Variants in CDH12 observed in about 807,000 individuals in gnomAD.
CDH12 encodes cadherin-12.
Under a neutral mutation model 74.1 loss-of-function variants are expected in CDH12, and 41 were observed. The observed-to-expected ratio is 0.55, with a 90% CI of 0.43 to 0.72. CDH12 has a LOEUF of 0.72. Ranked by LOEUF, CDH12 falls within the 30% of genes least tolerant of loss-of-function variation. The probability of loss-of-function intolerance (pLI) is 0.00; values close to 1 mark genes in which losing one functional copy is unlikely to be tolerated. For missense variants in CDH12, 945 were observed against 977.2 expected (o/e 0.97, Z 0.44); for synonymous variants, 399 against 355.0 (o/e 1.12, Z -1.39).
intron 3 of CDH12, among the ~76,000 whole-genome samples, chr5:22,298,351 T>C (rs932505305): frequency 6.6e-6 from 1 of 151,998 alleles, no homozygotes; most frequent in Admixed American, 6.6e-5. Context: ...CACACACACA[T>C]ATTCTTTCTT....
intron 1 of CDH12, among the ~76,000 whole-genome samples, chr5:22,650,388 A>T (rs896573836): frequency 6.6e-6 from 1 of 152,072 alleles, no homozygotes. Flanking sequence ...ATTGCATTGT[A>T]TAAACAAACA....
At chr5:22,731,724 A>T (rs887761027) in intron 1 of CDH12, among the ~76,000 whole-genome samples, 1 of 151,946 alleles carries the variant, frequency 6.6e-6, no homozygotes. Context: ...GTGAATTTAC[A>T]TGTCCTTCTA....
At chr5:22,485,405 G>A (rs548870389) in intron 2 of CDH12, among the ~76,000 whole-genome samples, 1 of 152,262 alleles carries the variant, frequency 6.6e-6, no homozygotes, top group Non-Finnish European at 1.5e-5. Flanking sequence ...TGCCCAAGCT[G>A]GTCTTAAACT....
At chr5:22,830,234 C>A (rs1436696120) in intron 1 of CDH12, among the ~76,000 whole-genome samples, 2 of 151,828 alleles carry the variant, frequency 1.3e-5, no homozygotes, top group Non-Finnish European at 2.9e-5. Context: ...TGGGATTAGA[C>A]AATTAAATTG....
chr5:21,937,197 G>T (rs891130211), intron 6 of CDH12, among the ~76,000 whole-genome samples: 18 of 152,110 alleles, frequency 1.2e-4, no homozygotes, highest in Admixed American at 8.5e-4. Context: ...AGGACAATAT[G>T]GGAGAATAAT....
chr5:21,842,102 G>T (rs541625370), intron 8 of CDH12, 59 bp downstream of exon 8: 3 of 1,306,596 alleles, frequency 2.3e-6, no homozygotes, highest in East Asian at 2.5e-5. Flanking sequence ...AGCATTCAAT[G>T]ACACCATTAA....
At chr5:22,757,454 T>C (rs1022849952) in intron 1 of CDH12, among the ~76,000 whole-genome samples, 1 of 152,204 alleles carries the variant, frequency 6.6e-6, no homozygotes, top group Admixed American at 6.5e-5. Context: ...TGATATAAAC[T>C]AGTAATGGTT....
chr5:22,681,806 A>G (rs780250544), intron 1 of CDH12, among the ~76,000 whole-genome samples: 5 of 152,084 alleles, frequency 3.3e-5, no homozygotes, highest in African/African-American at 7.2e-5. Flanking sequence ...ATTAGATAGA[A>G]TTAGGAGATT....
At chr5:21,946,392 T>C (rs984764499) in intron 6 of CDH12, among the ~76,000 whole-genome samples, 1 of 152,212 alleles carries the variant, frequency 6.6e-6, no homozygotes, top group African/African-American at 2.4e-5. Context: ...AAGCCATTTC[T>C]AATAGTTGAA....
intron 1 of CDH12, among the ~76,000 whole-genome samples, chr5:22,736,928 T>C (rs1744759917): frequency 6.6e-6 from 1 of 152,096 alleles, no homozygotes; most frequent in Middle Eastern, 3.4e-3. Context: ...CCAGAAGCAA[T>C]ACTTTATTTG....
At chr5:22,605,448 G>T (rs1737063427) in intron 1 of CDH12, among the ~76,000 whole-genome samples, 1 of 152,186 alleles carries the variant, frequency 6.6e-6, no homozygotes, top group African/African-American at 2.4e-5. Context: ...TCAGACGATA[G>T]CACAACCTCA....
intron 3 of CDH12, among the ~76,000 whole-genome samples, chr5:22,340,045 C>T (rs1739775788): frequency 6.6e-6 from 1 of 152,144 alleles, no homozygotes; most frequent in South Asian, 2.1e-4. Context: ...GACGGAAAGT[C>T]ATTAAATTCA....
intron 3 of CDH12, among the ~76,000 whole-genome samples, chr5:22,359,966 CA>C (rs1371559695): frequency 6.6e-6 from 1 of 151,864 alleles, no homozygotes; most frequent in Non-Finnish European, 1.5e-5. Context: ...TAAATGCCCA[CA>C]AAAGAAAGCA....
At chr5:21,881,492 A>T (rs1213482395) in intron 6 of CDH12, among the ~76,000 whole-genome samples, 1 of 152,210 alleles carries the variant, frequency 6.6e-6, no homozygotes, top group Non-Finnish European at 1.5e-5. Context: ...GCTCACAGCC[A>T]CTACCCTAGT....
intron 2 of CDH12, among the ~76,000 whole-genome samples, chr5:22,504,628 G>C (rs1736306176): frequency 6.6e-6 from 1 of 152,066 alleles, no homozygotes; most frequent in African/African-American, 2.4e-5. Flanking sequence ...GAGTGTCAAA[G>C]CAGCACTTTA....
rs1193375748 is a variant in CDH12, at chr5:21,888,472, T to A, written c.527-33682A>T. On this transcript the variant is annotated intron_variant, in intron 6 of 14. Coordinates refer to ENST00000382254, the MANE Select transcript of CDH12 (RefSeq NM_004061.5). Reference sequence around the variant, plus strand: ...TTTCCTCACTTCAGAGAAGTAATACTATTAGGAATGCTAATGTAAATGACG... The same window carrying A: ...TTTCCTCACTTCAGAGAAGTAATACAATTAGGAATGCTAATGTAAATGACG... 2.6e-5 allele frequency among the ~76,000 whole-genome samples: 4 copies of A among 152,076 alleles called. No individual in the cohort carries two copies. The East Asian group carries it at 7.7e-4, about 29-fold the overall frequency.
At chr5:22,650,093 C>T (rs558931214) in intron 1 of CDH12, among the ~76,000 whole-genome samples, 3 of 151,758 alleles carry the variant, frequency 2.0e-5, no homozygotes, top group Non-Finnish European at 4.4e-5. Context: ...TATGTAAAGG[C>T]TAAAACCAGA....
intron 6 of CDH12, among the ~76,000 whole-genome samples, chr5:21,973,747 A>G (rs1394522015): frequency 6.6e-6 from 1 of 152,156 alleles, no homozygotes; most frequent in Non-Finnish European, 1.5e-5. Flanking sequence ...TTTTTTCCTC[A>G]AAATATTAAC....
At chr5:22,451,451 A>G (rs891044735) in intron 2 of CDH12, among the ~76,000 whole-genome samples, 2 of 151,954 alleles carry the variant, frequency 1.3e-5, no homozygotes, top group Non-Finnish European at 2.9e-5. Flanking sequence ...TAGCACCTCA[A>G]TAGAATCAAG....
Sources: gnomAD v4.1 joint callset for allele counts (sites outside exome capture counted in the v4.1 genomes callset) on GRCh38, gnomAD v4.1.1 for gene constraint, MANE v1.5 for transcripts, NCBI Gene and HGNC (gene_info 2026-07-23, HGNC 2026-07-21) for gene names.